The following SIPA1L3 variants were observed in gnomAD, a reference collection of about 807,000 sequenced individuals.
SIPA1L3 encodes the protein signal induced proliferation associated 1 like 3, also known as signal-induced proliferation-associated 1-like protein 3.
In SIPA1L3, 59 loss-of-function variants were observed where a neutral mutation model predicts 150.1. The observed-to-expected ratio is 0.39, with a 90% CI of 0.32 to 0.49. The LOEUF is 0.49. Ranked by LOEUF, SIPA1L3 falls within the 20% of genes least tolerant of loss-of-function variation. The pLI is 0.86. For missense variants in SIPA1L3, 2,211 were observed against 2,489.5 expected (o/e 0.89, Z 2.38); for synonymous variants, 1,070 against 1,077.6 (o/e 0.99, Z 0.14).
chr19:38,192,400 C>T (rs1468849682), intron 17 of SIPA1L3, 90 bp downstream of exon 17: 12 of 1,227,638 alleles, frequency 9.8e-6, no homozygotes, highest in Non-Finnish European at 1.2e-5. Context: ...GTGCTCCCCA[C>T]GGTCACGCCA....
chr19:37,912,488 G>A (rs2046384745), intron 1 of SIPA1L3, among the ~76,000 whole-genome samples: 1 of 152,048 alleles, frequency 6.6e-6, no homozygotes. Context: ...AAGCCTTCAG[G>A]GCAGGGCCAG....
chr19:37,922,442 A>G (rs2046464799), intron 1 of SIPA1L3, among the ~76,000 whole-genome samples: 1 of 150,490 alleles, frequency 6.6e-6, no homozygotes, highest in African/African-American at 2.4e-5. Flanking sequence ...CGCCCAGGCT[A>G]GAGTGCAGTG....
intron 16 of SIPA1L3, among the ~76,000 whole-genome samples, chr19:38,189,882 G>A (rs1432213172): frequency 1.3e-5 from 2 of 152,164 alleles, no homozygotes; most frequent in Admixed American, 6.5e-5. Flanking sequence ...ATGGTTTCGC[G>A]CTATACATGC....
intron 9 of SIPA1L3, among the ~76,000 whole-genome samples, chr19:38,124,529 G>A (rs1196705404): frequency 6.1e-5 from 9 of 146,716 alleles, no homozygotes; most frequent in Non-Finnish European, 1.2e-4. Flanking sequence ...TGGGCAGCCA[G>A]GCAGAGGGGC....
chr19:37,975,218 C>G (rs1387715173), intron 1 of SIPA1L3, among the ~76,000 whole-genome samples: 1 of 152,086 alleles, frequency 6.6e-6, no homozygotes, highest in African/African-American at 2.4e-5. Context: ...ACATACCAAA[C>G]AGGAAACAGA....
chr19:38,080,506 C>T (rs532307629), intron 2 of SIPA1L3, among the ~76,000 whole-genome samples: 1 of 152,286 alleles, frequency 6.6e-6, no homozygotes, highest in South Asian at 2.1e-4. Flanking sequence ...AACAAACCAG[C>T]TCACAAAAGA....
chr19:38,187,025 A>T (rs902489558), intron 16 of SIPA1L3, among the ~76,000 whole-genome samples: 1 of 150,740 alleles, frequency 6.6e-6, no homozygotes, highest in Non-Finnish European at 1.5e-5. Context: ...AAAAAAAAAA[A>T]AAATCACAAC....
chr19:38,093,337 C>T (rs535569480), intron 4 of SIPA1L3, among the ~76,000 whole-genome samples: 2 of 152,272 alleles, frequency 1.3e-5, no homozygotes, highest in African/African-American at 2.4e-5. Context: ...GGGTTGGAGA[C>T]GTCCTGTGAG....
intron 15 of SIPA1L3, among the ~76,000 whole-genome samples, chr19:38,172,774 T>C (rs768742769): frequency 2.0e-5 from 3 of 152,032 alleles, no homozygotes; most frequent in Non-Finnish European, 4.4e-5. Flanking sequence ...ATGGGAGCCA[T>C]GGGAGGCATT....
chr19:38,166,368 A>G (rs1972211385), intron 15 of SIPA1L3, among the ~76,000 whole-genome samples: 1 of 151,556 alleles, frequency 6.6e-6, no homozygotes, highest in South Asian at 2.1e-4. Flanking sequence ...GAGGCAGGAG[A>G]ATCGCTTGAA....
At chr19:38,055,438 G>A (rs997714535) in intron 2 of SIPA1L3, among the ~76,000 whole-genome samples, 2 of 152,178 alleles carry the variant, frequency 1.3e-5, no homozygotes, top group African/African-American at 2.4e-5. Flanking sequence ...TAGAAGAGGT[G>A]TGCCCCATTT....
chr19:37,975,589 A>C (rs899392107), intron 1 of SIPA1L3, among the ~76,000 whole-genome samples: 5 of 152,190 alleles, frequency 3.3e-5, no homozygotes, highest in African/African-American at 1.2e-4. Context: ...CTATATGTAA[A>C]ACTTTAGAAC....
At chr19:37,947,521 C>T (rs1325815768) in intron 1 of SIPA1L3, among the ~76,000 whole-genome samples, 1 of 151,854 alleles carries the variant, frequency 6.6e-6, no homozygotes, top group Non-Finnish European at 1.5e-5. Flanking sequence ...TCCCCCACCT[C>T]AGTAGTCAAT....
intron 1 of SIPA1L3, among the ~76,000 whole-genome samples, chr19:38,008,494 GCTGGGATTGCAGA>G (rs1968017199): frequency 6.6e-6 from 1 of 152,052 alleles, no homozygotes; most frequent in South Asian, 2.1e-4. Context: ...CTCCCAAAGT[GCTGGGATTGCAGA>G]CGTGAGCCAC....
At chr19:37,960,591 T>G (rs2145572366) in intron 1 of SIPA1L3, among the ~76,000 whole-genome samples, 1 of 151,868 alleles carries the variant, frequency 6.6e-6, no homozygotes, top group Admixed American at 6.6e-5. Flanking sequence ...TTATTTTTAG[T>G]AGAGACGGGG....
At chr19:38,195,780 A>C (rs1260359771) in intron 18 of SIPA1L3, among the ~76,000 whole-genome samples, 46 of 54,790 alleles carry the variant, frequency 8.4e-4, no homozygotes, top group African/African-American at 1.6e-3. Flanking sequence ...GTCAGGCACC[A>C]CCACAGGCCC....
At chr19:38,108,538 G>T (rs578041739) in intron 7 of SIPA1L3, 19 of 152,342 alleles carry the variant, frequency 1.2e-4, no homozygotes, top group Non-Finnish European at 2.5e-4. Context: ...CTCACATAAA[G>T]AACTAACCAT....
At chr19:38,036,328 T>C (rs756802934) in intron 2 of SIPA1L3, among the ~76,000 whole-genome samples, 3 of 152,270 alleles carry the variant, frequency 2.0e-5, no homozygotes, top group Non-Finnish European at 4.4e-5. Context: ...TTCAGCTTCC[T>C]CTGGCTAAGA....
At chr19:37,996,994 G>C (rs946316418) in intron 1 of SIPA1L3, among the ~76,000 whole-genome samples, 5 of 152,016 alleles carry the variant, frequency 3.3e-5, no homozygotes, top group Admixed American at 1.3e-4. Context: ...ACCGTGCCCG[G>C]CCAATCCTCA....
Sources: allele counts gnomAD v4.1 joint callset (sites outside exome capture counted in the v4.1 genomes callset), GRCh38; gene constraint gnomAD v4.1.1; transcripts MANE v1.5; gene names NCBI Gene and HGNC (gene_info 2026-07-23, HGNC 2026-07-21).